The following PDE1A variants were observed in gnomAD, a reference collection of about 807,000 sequenced individuals.
The protein encoded by PDE1A is dual specificity calcium/calmodulin-dependent 3',5'-cyclic nucleotide phosphodiesterase 1A.
PDE1A carries 35 observed loss-of-function variants against 61.7 expected under a neutral mutation model. The ratio of observed to expected loss-of-function variants is 0.57; its 90% CI spans 0.43 to 0.75. The LOEUF (loss-of-function observed/expected upper bound fraction) is 0.75. Among genes scored for constraint, PDE1A ranks in the 30% least tolerant of loss-of-function variants. The pLI is 0.00. For synonymous variants in PDE1A, 232 were observed against 213.2 expected (o/e 1.09, Z -0.77); for missense variants, 597 against 630.6 (o/e 0.95, Z 0.57).
the PDE1A span, among the ~76,000 whole-genome samples, chr2:182,589,686 A>C: frequency 4.6e-5 from 7 of 152,214 alleles, no homozygotes; most frequent in Non-Finnish European, 1.0e-4. Context: ...ATTTGTATCT[A>C]TCTAAATCTC....
In PDE1A at chr2:182,208,359, G is replaced by C. The variant is rs578108901; in HGVS notation, c.777-2294C>G. ...ATCTTAAATGGCAGCAGGAGAGAGA[G>C]AGTGCAGGGGGGATGCTGCCACTTT... On this transcript the variant is annotated intron_variant, in intron 7 of 13. Coordinates refer to ENST00000351439, the Ensembl canonical transcript of PDE1A. Among the ~76,000 whole-genome samples the C allele has an allele frequency of 3.9e-4, 59 of 152,250 alleles. 2 individuals are homozygous for C. The South Asian group carries it at 0.012, about 32-fold the overall frequency.
At chr2:182,495,707 C>T (rs531331122) in intron 2 of PDE1A, among the ~76,000 whole-genome samples, 3 of 152,296 alleles carry the variant, frequency 2.0e-5, no homozygotes, top group African/African-American at 7.2e-5. Context: ...ACCCCCGCTC[C>T]TTCAAGTATG....
At chr2:182,509,928 T>C (rs1453290970) in intron 2 of PDE1A, among the ~76,000 whole-genome samples, 3 of 152,198 alleles carry the variant, frequency 2.0e-5, no homozygotes, top group Non-Finnish European at 4.4e-5. Flanking sequence ...CTACAACTTG[T>C]TTTAAAAGAA....
intron 7 of PDE1A, among the ~76,000 whole-genome samples, chr2:182,222,831 A>C (rs1018607602): frequency 6.6e-6 from 1 of 152,074 alleles, no homozygotes; most frequent in African/African-American, 2.4e-5. Flanking sequence ...CTCCTTATTA[A>C]GCATCCTGAC....
In PDE1A at chr2:182,279,774, A is replaced by T. The variant is rs557293504; in HGVS notation, c.54-15360T>A. On this transcript the variant is annotated intron_variant, in intron 1 of 13. Transcript: ENST00000351439. ...CTCTACCTATCTCTGAAATCTTTTT[A>T]TAAAAATTAGCAGTTTCTTCATCCA... 1.6e-4 allele frequency among the ~76,000 whole-genome samples: 24 copies of T among 151,994 alleles called. 1 individual carries two copies. In the East Asian group the frequency reaches 4.7e-3, roughly 29 times the overall value.
intron 1 of PDE1A, among the ~76,000 whole-genome samples, chr2:182,425,547 T>C (rs1703565179): frequency 6.6e-6 from 1 of 152,172 alleles, no homozygotes; most frequent in Non-Finnish European, 1.5e-5. Context: ...TTTTAAGCAT[T>C]ACAAAGGTAT....
At chr2:182,473,721 A>G (rs973287626) in intron 2 of PDE1A, among the ~76,000 whole-genome samples, 9 of 151,942 alleles carry the variant, frequency 5.9e-5, no homozygotes, top group Admixed American at 5.9e-4. Context: ...AGCCCCACAT[A>G]TAAGTGAGAA....
chr2:182,598,705 C>A, the PDE1A span, among the ~76,000 whole-genome samples: 58 of 152,326 alleles, frequency 3.8e-4, no homozygotes, highest in East Asian at 8.1e-3. Flanking sequence ...AATCCTCACC[C>A]TACCAAAGCC....
intron 7 of PDE1A, among the ~76,000 whole-genome samples, chr2:182,210,281 T>G (rs1228590227): frequency 6.6e-6 from 1 of 152,230 alleles, no homozygotes; most frequent in African/African-American, 2.4e-5. Context: ...GAGTTCCTGC[T>G]GCTCCATTCT....
intron 1 of PDE1A, among the ~76,000 whole-genome samples, chr2:182,307,157 C>G (rs1425095794): frequency 6.6e-6 from 1 of 152,074 alleles, no homozygotes; most frequent in African/African-American, 2.4e-5. Context: ...AGATATTTCT[C>G]AAAAGAAGAC....
the PDE1A span, among the ~76,000 whole-genome samples, chr2:182,625,153 C>A: frequency 6.6e-6 from 1 of 152,134 alleles, no homozygotes; most frequent in Non-Finnish European, 1.5e-5. Flanking sequence ...TGGCTGTGTG[C>A]AAGCTAGAAA....
chr2:182,148,095 A>C (rs560179153), intron 13 of PDE1A, among the ~76,000 whole-genome samples: 1 of 152,328 alleles, frequency 6.6e-6, no homozygotes, highest in South Asian at 2.1e-4. Flanking sequence ...AATTTCAGGT[A>C]GTCTCATTAC....
In PDE1A at chr2:182,301,218, C is replaced by A. The variant is rs183343743; in HGVS notation, c.54-36804G>T. Among the ~76,000 whole-genome samples the A allele has an allele frequency of 2.6e-5, 4 of 152,210 alleles. No individual in the cohort carries two copies. The East Asian group carries it at 7.7e-4, about 29-fold the overall frequency. On this transcript the variant is annotated intron_variant, in intron 1 of 13. Transcript: ENST00000351439. ...ACTCATTTTACAATATATTGCATTA[C>A]CCCAAATCTGCTGGCCTGACAGAAT...
chr2:182,349,827 A>G (rs1253971178), intron 1 of PDE1A, among the ~76,000 whole-genome samples: 1 of 152,194 alleles, frequency 6.6e-6, no homozygotes, highest in Non-Finnish European at 1.5e-5. Context: ...AAGAAAAGAT[A>G]GCCTAAGCCT....
intron 2 of PDE1A, among the ~76,000 whole-genome samples, chr2:182,456,201 A>G (rs1685908495): frequency 6.6e-6 from 1 of 152,020 alleles, no homozygotes. Context: ...GATCAGTAGC[A>G]TCCACTTTAC....
intron 1 of PDE1A, among the ~76,000 whole-genome samples, chr2:182,318,525 G>A (rs1010337625): frequency 9.9e-5 from 15 of 152,162 alleles, no homozygotes; most frequent in African/African-American, 3.6e-4. Context: ...AGCATTGTTA[G>A]GAGGTGCTAA....
At chr2:182,649,844 G>A in the PDE1A span, among the ~76,000 whole-genome samples, 1 of 152,096 alleles carries the variant, frequency 6.6e-6, no homozygotes, top group East Asian at 1.9e-4. Flanking sequence ...TCCTGACCTT[G>A]TGATCCATCC....
chr2:182,620,244 C>T, the PDE1A span, among the ~76,000 whole-genome samples: 2 of 152,128 alleles, frequency 1.3e-5, no homozygotes, highest in African/African-American at 4.8e-5. Context: ...CAACTATTAA[C>T]ACATTTCTAT....
At chr2:182,542,517 C>T in the PDE1A span, among the ~76,000 whole-genome samples, 3 of 152,078 alleles carry the variant, frequency 2.0e-5, no homozygotes, top group South Asian at 2.1e-4. Context: ...CATATAGTAT[C>T]TAATATATTC....
Sources: gnomAD v4.1 joint callset for allele counts (sites outside exome capture counted in the v4.1 genomes callset) on GRCh38, gnomAD v4.1.1 for gene constraint, MANE v1.5 for transcripts, NCBI Gene and HGNC (gene_info 2026-07-23, HGNC 2026-07-21) for gene names.